SCD5: variants seen among roughly 807,000 people sequenced by gnomAD.
The protein encoded by SCD5 is stearoyl-CoA desaturase 5.
SCD5 carries 20 observed loss-of-function variants against 30.4 expected under a neutral mutation model. That is an observed-to-expected ratio of 0.66 (90% CI 0.46 to 0.96). The LOEUF is 0.96. Ranked by LOEUF, SCD5 falls within the 40% of genes least tolerant of loss-of-function variation. The probability of loss-of-function intolerance (pLI) is 0.00; values close to 1 mark genes in which losing one functional copy is unlikely to be tolerated. For missense variants in SCD5, 381 were observed against 443.3 expected, an observed-to-expected ratio of 0.86 and a Z score of 1.26; for synonymous variants, 173 against 176.4, an observed-to-expected ratio of 0.98 and a Z score of 0.16.
intron 1 of SCD5, among the ~76,000 whole-genome samples, chr4:82,754,493 G>A (rs1362271433): frequency 2.0e-5 from 3 of 152,062 alleles, no homozygotes; most frequent in African/African-American, 7.2e-5. Context: ...AGAGGGAGAG[G>A]GACTCCTTCC....
intron 2 of SCD5, among the ~76,000 whole-genome samples, chr4:82,696,685 G>A (rs1719703256): frequency 6.6e-6 from 1 of 152,180 alleles, no homozygotes; most frequent in Admixed American, 6.5e-5. Flanking sequence ...GAAGGCAGCT[G>A]GGGGAGAAAT....
At chr4:82,794,280 G>A (rs1722161044) in intron 1 of SCD5, among the ~76,000 whole-genome samples, 2 of 152,204 alleles carry the variant, frequency 1.3e-5, no homozygotes, top group Non-Finnish European at 2.9e-5. Flanking sequence ...AGGAAACAGG[G>A]AAAATTACTG....
rs999195091 is a variant in SCD5 at position 82,798,788 on chromosome 4, G to C, written c.-251C>G. ...CCATATGGCTGCCCGGGCTGAACTC[G>C]GCCGCGAGAAAGAGGAGGCGCGCGC... On this transcript the variant is annotated 5_prime_UTR_variant, in exon 1 of 5. Transcript: ENST00000319540. 5 of 444,172 alleles carry C rather than the reference G, an allele frequency of 1.1e-5. No individual in the cohort carries two copies. The highest frequency in any genetic ancestry group is 8.3e-5 in the African/African-American group (4 of 48,082). The allele number at this position is 444,172 out of a possible 1,614,324, so 27.5% of individuals were successfully genotyped here.
intron 3 of SCD5, among the ~76,000 whole-genome samples, chr4:82,658,187 A>C (rs529232017): frequency 5.3e-4 from 80 of 152,186 alleles, no homozygotes; most frequent in Non-Finnish European, 2.5e-4. Flanking sequence ...TTCAAAGGGA[A>C]TGCTTCCAAC....
intron 2 of SCD5, 113 bp downstream of exon 2, chr4:82,705,170 C>T (rs575039723): frequency 1.5e-6 from 2 of 1,329,494 alleles, no homozygotes; most frequent in Non-Finnish European, 2.1e-6. Flanking sequence ...GTGCTTGGGG[C>T]CTGAACACTG....
intron 1 of SCD5, among the ~76,000 whole-genome samples, chr4:82,788,981 C>CT (rs551039006): frequency 6.6e-6 from 1 of 152,186 alleles, no homozygotes; most frequent in South Asian, 2.1e-4. Context: ...AGAAATTTTC[C>CT]TTTTCTTTTA....
At chr4:82,635,588 T>C (rs1727409399) in intron 4 of SCD5, among the ~76,000 whole-genome samples, 1 of 127,428 alleles carries the variant, frequency 7.8e-6, no homozygotes, top group Non-Finnish European at 1.6e-5. Context: ...GCCACTGCAC[T>C]CCAGCCTGGC....
At chr4:82,657,114 T>G (rs182251022) in intron 3 of SCD5, among the ~76,000 whole-genome samples, 6 of 152,356 alleles carry the variant, frequency 3.9e-5, no homozygotes, top group Admixed American at 3.9e-4. Flanking sequence ...AGATCCCATT[T>G]GTCAATTTTG....
intron 1 of SCD5, among the ~76,000 whole-genome samples, chr4:82,732,395 T>C (rs1198316969): frequency 6.6e-6 from 1 of 152,216 alleles, no homozygotes; most frequent in Non-Finnish European, 1.5e-5. Context: ...TGGCCTCCTA[T>C]TACTTTCAAA....
At chr4:82,679,501 C>T (rs1728523471) in intron 3 of SCD5, among the ~76,000 whole-genome samples, 1 of 152,112 alleles carries the variant, frequency 6.6e-6, no homozygotes, top group Admixed American at 6.5e-5. Flanking sequence ...ATAATAATGG[C>T]TGACATTCAC....
chr4:82,771,109 G>A (rs902057276), intron 1 of SCD5, among the ~76,000 whole-genome samples: 10 of 152,286 alleles, frequency 6.6e-5, no homozygotes, highest in Admixed American at 3.3e-4. Flanking sequence ...TGGAACTACA[G>A]GTGCGCACCA....
chr4:82,685,487 C>T (rs1019174107), intron 2 of SCD5, among the ~76,000 whole-genome samples: 2 of 152,048 alleles, frequency 1.3e-5, no homozygotes, highest in East Asian at 1.9e-4. Flanking sequence ...CCGAGGTGGG[C>T]GAACCACCTG....
At chr4:82,733,889 G>A (rs953405669) in intron 1 of SCD5, among the ~76,000 whole-genome samples, 2 of 152,200 alleles carry the variant, frequency 1.3e-5, no homozygotes, top group Non-Finnish European at 2.9e-5. Flanking sequence ...AAAGTACAGA[G>A]ACTCAGGTGT....
At chr4:82,761,088 A>G (rs922802338) in intron 1 of SCD5, among the ~76,000 whole-genome samples, 2 of 152,234 alleles carry the variant, frequency 1.3e-5, no homozygotes, top group Admixed American at 1.3e-4. Context: ...ACAGAATCCA[A>G]TGCTAGGTAC....
At chr4:82,776,052 C>A (rs1455749861) in intron 1 of SCD5, 2 of 158,302 alleles carry the variant, frequency 1.3e-5, no homozygotes, top group Admixed American at 6.1e-5. Flanking sequence ...ACCTTCATCC[C>A]GATTTACATC....
chr4:82,748,442 T>TAGCCA, intron 1 of SCD5, among the ~76,000 whole-genome samples: 1 of 152,280 alleles, frequency 6.6e-6, no homozygotes, highest in Non-Finnish European at 1.5e-5. Flanking sequence ...TATTTCTACT[T>TAGCCA]AGCCAAGCCA....
At chr4:82,674,993 G>A (rs1728406913) in intron 3 of SCD5, among the ~76,000 whole-genome samples, 1 of 152,132 alleles carries the variant, frequency 6.6e-6, no homozygotes, top group African/African-American at 2.4e-5. Context: ...AACAGACAGA[G>A]AACAGAGGAT....
intron 3 of SCD5, among the ~76,000 whole-genome samples, chr4:82,662,849 C>A: frequency 7.4e-6 from 1 of 134,888 alleles, no homozygotes; most frequent in African/African-American, 2.8e-5. Flanking sequence ...AACGAGCAAA[C>A]TCCGTCTCAA....
intron 3 of SCD5, among the ~76,000 whole-genome samples, chr4:82,675,641 A>G (rs933402834): frequency 6.6e-6 from 1 of 152,180 alleles, no homozygotes; most frequent in Middle Eastern, 3.2e-3. Flanking sequence ...GCATGACAGC[A>G]TTTACATGTA....
Sources: gnomAD v4.1 joint callset for allele counts (sites outside exome capture counted in the v4.1 genomes callset) on GRCh38, gnomAD v4.1.1 for gene constraint, MANE v1.5 for transcripts, NCBI Gene and HGNC (gene_info 2026-07-23, HGNC 2026-07-21) for gene names.